AMDHD1: variants seen among roughly 807,000 people sequenced by gnomAD.
The protein encoded by AMDHD1 is amidohydrolase domain containing 1, also known as probable imidazolonepropionase.
In AMDHD1, 45 loss-of-function variants were observed where a neutral mutation model predicts 44.1. The observed-to-expected ratio is 1.02, with a 90% confidence interval of 0.80 to 1.31. The LOEUF (loss-of-function observed/expected upper bound fraction) is 1.31, where lower values mean the gene tolerates loss of function less well. Among genes scored for constraint, AMDHD1 ranks in the 50% most tolerant of loss-of-function variants. The pLI is 0.00. For missense variants in AMDHD1, 586 were observed against 552.1 expected, an observed-to-expected ratio of 1.06 and a Z score of -0.61; for synonymous variants, 206 against 205.0, an observed-to-expected ratio of 1.00 and a Z score of -0.04.
rs2080476326 is a variant in AMDHD1 at position 95,943,538 on chromosome 12, A to C, written c.137+3A>C. 6.9e-7 allele frequency: 1 copy of C among 1,451,056 alleles called. No individual in the cohort carries two copies. The allele number at this position is 1,451,056 out of a possible 1,614,324, so 89.9% of individuals were successfully genotyped here. On this transcript the variant is annotated splice_donor_region_variant and intron_variant, in intron 1 of 8. Coordinates refer to ENST00000266736, the MANE Select transcript of AMDHD1 (RefSeq NM_152435.3). Reference sequence around the variant, plus strand: ...GGCGCCAGCCTGGTGGTGGGCAAGTAAGTGGCCGGGCGCGCAGGGTGGGGA... The same window carrying C: ...GGCGCCAGCCTGGTGGTGGGCAAGTCAGTGGCCGGGCGCGCAGGGTGGGGA...
In AMDHD1 at chr12:95,959,511, C is replaced by A. The variant is rs184134261; in HGVS notation, c.588-887C>A. On this transcript the variant is annotated intron_variant, in intron 4 of 8. Coordinates refer to ENST00000266736, the MANE Select transcript of AMDHD1 (RefSeq NM_152435.3). ...GCAGCCTCAAACTCCTGGGCTCAAG[C>A]AATCCTTTTGCCTCAGCCTCCCCAG... 1.4e-3 allele frequency among the ~76,000 whole-genome samples: 206 copies of A among 152,230 alleles called. 1 individual carries two copies. Among genetic ancestry groups the A allele is most frequent in the Middle Eastern group, 0.01 (3 of 294 alleles).
chr12:95,952,471 T>C (rs1309361754), intron 1 of AMDHD1, among the ~76,000 whole-genome samples: 1 of 152,232 alleles, frequency 6.6e-6, no homozygotes, highest in East Asian at 1.9e-4. Flanking sequence ...GTAGTATAAT[T>C]TGAAGTCAGG....
At chr12:95,958,420 T>A (rs780432657) in intron 4 of AMDHD1, among the ~76,000 whole-genome samples, 2 of 152,250 alleles carry the variant, frequency 1.3e-5, no homozygotes, top group Non-Finnish European at 2.9e-5. Context: ...ATATTTCCAG[T>A]GATCTTTGTT....
At chr12:95,955,180 G>C (rs184185316) in intron 3 of AMDHD1, among the ~76,000 whole-genome samples, 1 of 152,090 alleles carries the variant, frequency 6.6e-6, no homozygotes, top group Non-Finnish European at 1.5e-5. Context: ...GGCTATTCCT[G>C]CCCACTAATG....
intron 1 of AMDHD1, among the ~76,000 whole-genome samples, chr12:95,949,635 T>C (rs1565976504): frequency 6.6e-6 from 1 of 152,228 alleles, no homozygotes; most frequent in African/African-American, 2.4e-5. Context: ...GTGCTTCTGC[T>C]TTCAGATGTT....
At chr12:95,945,814 C>A (rs1198485233) in intron 1 of AMDHD1, among the ~76,000 whole-genome samples, 1 of 151,584 alleles carries the variant, frequency 6.6e-6, no homozygotes, top group Non-Finnish European at 1.5e-5. Context: ...TATATACATA[C>A]CATGGTGTGT....
chr12:95,960,653 C>T (rs1458030934), intron 5 of AMDHD1, 30 bp downstream of exon 5: 2 of 1,592,418 alleles, frequency 1.3e-6, no homozygotes, highest in African/African-American at 1.3e-5. Context: ...TTTCCCTCGT[C>T]AACATTCATT....
At chr12:95,944,874 C>T (rs1448321875) in intron 1 of AMDHD1, among the ~76,000 whole-genome samples, 1 of 152,154 alleles carries the variant, frequency 6.6e-6, no homozygotes, top group Non-Finnish European at 1.5e-5. Context: ...TGACTCACGC[C>T]TGCAATCCCA....
Position 95,967,736 on chromosome 12 carries a change from G to GTTTTT in AMDHD1, c.1194-9_1194-5dup. The GTTTTT allele has an allele frequency of 1.1e-4, 144 of 1,259,392 alleles. No individual in the cohort carries two copies. Among genetic ancestry groups the GTTTTT allele is most frequent in the Middle Eastern group, 4.2e-4 (2 of 4,720 alleles). The allele number at this position is 1,259,392 out of a possible 1,614,324, so 78.0% of individuals were successfully genotyped here. A position where few individuals can be genotyped will look rare whatever the true frequency, so the allele number is the denominator to read the frequency against. ...TGCACACATTGAAGTAATATTTGTTGTTTTTTTTTTTTTTTCTAGATGGGA... is the reference window on the plus strand; with the variant it reads ...TGCACACATTGAAGTAATATTTGTTGTTTTTTTTTTTTTTTTTTTTCTAGATGGGA... On this transcript the variant is annotated intron_variant, in intron 8 of 8. Transcript: ENST00000266736.
chr12:95,958,755 A>C (rs1005096317), intron 4 of AMDHD1, among the ~76,000 whole-genome samples: 1 of 152,216 alleles, frequency 6.6e-6, no homozygotes, highest in African/African-American at 2.4e-5. Context: ...TGTCTTGAGA[A>C]TTAACAATAA....
At chr12:95,956,498 A>T in intron 3 of AMDHD1, 187 bp from the exon 4 acceptor site, 1 of 743,976 alleles carries the variant, frequency 1.3e-6, no homozygotes, top group Non-Finnish European at 2.1e-6. Flanking sequence ...AGCTCCCCAC[A>T]ATCCAGTGTC....
chr12:95,947,688 CA>C (rs1301800745), intron 1 of AMDHD1, among the ~76,000 whole-genome samples: 3 of 65,166 alleles, frequency 4.6e-5, no homozygotes, highest in Admixed American at 1.4e-4. Flanking sequence ...TCTGCCCGGC[CA>C]GCCACCCCGT....
In AMDHD1 at chr12:95,945,038, G is replaced by A. The variant is rs377330153; in HGVS notation, c.137+1503G>A. Among the ~76,000 whole-genome samples, 13 of 152,304 alleles carry A rather than the reference G, an allele frequency of 8.5e-5. No individual in the cohort carries two copies. In the East Asian group the frequency reaches 1.5e-3, roughly 18 times the overall value. On this transcript the variant is annotated intron_variant, in intron 1 of 8. Coordinates refer to ENST00000266736, the MANE Select transcript of AMDHD1 (RefSeq NM_152435.3). ...AATCCCAGCTACTCGGGAGGCTGAG[G>A]CAGGAGAATCGCTTGAACCCGGGAG...
chr12:95,956,268 C>A (rs1043567945), intron 3 of AMDHD1, among the ~76,000 whole-genome samples: 5 of 152,104 alleles, frequency 3.3e-5, no homozygotes, highest in Admixed American at 1.3e-4. Flanking sequence ...GCCACCATGC[C>A]CCCGCTAATT....
chr12:95,963,467 T>C (rs925227356), intron 6 of AMDHD1, among the ~76,000 whole-genome samples: 1 of 152,224 alleles, frequency 6.6e-6, no homozygotes, highest in Non-Finnish European at 1.5e-5. Flanking sequence ...AAGTAACTTT[T>C]AGAAGGGCGA....
At chr12:95,962,591 C>G in intron 6 of AMDHD1, 112 bp downstream of exon 6, 1 of 1,283,528 alleles carries the variant, frequency 7.8e-7, no homozygotes, top group South Asian at 1.8e-5. Flanking sequence ...CTTAAAAATG[C>G]AGATGAAGAA....
At chr12:95,960,276 C>A in intron 4 of AMDHD1, 122 bp from the exon 5 acceptor site, 1 of 794,604 alleles carries the variant, frequency 1.3e-6, no homozygotes, top group Non-Finnish European at 2.0e-6. Context: ...CTTTCTCTAC[C>A]TTTCTGAGGC....
chr12:95,944,916 C>G lies in AMDHD1; in HGVS notation c.137+1381C>G, dbSNP rs2080487121. Reference sequence around the variant, plus strand: ...TGGGAAGCTGAGGCAGGTGGATCACCTGAGGTTGGGAGCTCGAGATCAGCC... The same window carrying G: ...TGGGAAGCTGAGGCAGGTGGATCACGTGAGGTTGGGAGCTCGAGATCAGCC... On this transcript the variant is annotated intron_variant, in intron 1 of 8. Transcript: ENST00000266736. 2.0e-5 allele frequency among the ~76,000 whole-genome samples: 3 copies of G among 152,086 alleles called. No homozygotes were observed. In the South Asian group the frequency reaches 6.2e-4, roughly 32 times the overall value.
intron 7 of AMDHD1, among the ~76,000 whole-genome samples, chr12:95,966,084 T>C (rs1305302345): frequency 1.3e-5 from 2 of 152,202 alleles, no homozygotes; most frequent in East Asian, 3.8e-4. Flanking sequence ...GAGGTCTTAG[T>C]AAGTATGGAA....
Sources: gnomAD v4.1 joint callset for allele counts (sites outside exome capture counted in the v4.1 genomes callset) on GRCh38, gnomAD v4.1.1 for gene constraint, MANE v1.5 for transcripts, NCBI Gene and HGNC (gene_info 2026-07-23, HGNC 2026-07-21) for gene names.